The following EEF1G variants were observed in gnomAD, a reference collection of about 807,000 sequenced individuals.
EEF1G encodes elongation factor 1-gamma.
A neutral mutation model predicts 58.3 loss-of-function variants in EEF1G; 14 were observed. The ratio of observed to expected loss-of-function variants is 0.24; its 90% confidence interval spans 0.16 to 0.38. The LOEUF (loss-of-function observed/expected upper bound fraction) is 0.38, where lower values mean the gene tolerates loss of function less well. Among genes scored for constraint, EEF1G ranks in the 10% least tolerant of loss-of-function variants. The probability of loss-of-function intolerance (pLI) is 1.00; values close to 1 mark genes in which losing one functional copy is unlikely to be tolerated. For synonymous variants in EEF1G, 180 were observed against 206.8 expected, an observed-to-expected ratio of 0.87 and a Z score of 1.11; for missense variants, 322 against 550.1, an observed-to-expected ratio of 0.59 and a Z score of 4.15.
intron 5 of EEF1G, among the ~76,000 whole-genome samples, 156 bp downstream of exon 5, chr11:62,570,809 G>GC (rs1299078434): frequency 1.3e-5 from 2 of 152,172 alleles, no homozygotes; most frequent in Admixed American, 6.5e-5. Context: ...GCCTACCTCG[G>GC]CCCCCCAGTG....
At position 62,570,899 on chromosome 11, in the gene EEF1G, A is replaced by G. The variant is rs989046879; in HGVS notation, c.522+66T>C. On this transcript the variant is annotated intron_variant, in intron 5 of 9. Coordinates refer to ENST00000329251, the MANE Select transcript of EEF1G (RefSeq NM_001404.5). ...CTCAGCAGAATACAGGGTAACCTAG[A>G]TACCTCGTCACTTTGTTTCTAATCC... The G allele has an allele frequency of 3.1e-6, 5 of 1,605,120 alleles. No homozygotes were observed. In the African/African-American group the frequency reaches 4.0e-5, roughly 13 times the overall value.
chr11:62,572,969 C>T, intron 1 of EEF1G: 2 of 402,426 alleles, frequency 5.0e-6, no homozygotes, highest in East Asian at 7.9e-5. Context: ...ACAGATTTGA[C>T]CTTCCCTAAG....
chr11:62,570,063 CTTTT>C (rs1174196694), intron 5 of EEF1G, among the ~76,000 whole-genome samples: 2 of 141,960 alleles, frequency 1.4e-5, no homozygotes, highest in South Asian at 2.3e-4. Flanking sequence ...GCTTAAAGAG[CTTTT>C]TTTTTTTTTT....
chr11:62,561,954 A>G (rs1480444979), intron 7 of EEF1G, among the ~76,000 whole-genome samples: 1 of 152,306 alleles, frequency 6.6e-6, no homozygotes, highest in East Asian at 1.9e-4. Context: ...GATCCTCAGC[A>G]TTTCAAAGGA....
intron 7 of EEF1G, among the ~76,000 whole-genome samples, chr11:62,562,481 T>C (rs1217996874): frequency 6.6e-6 from 1 of 152,142 alleles, no homozygotes; most frequent in Non-Finnish European, 1.5e-5. Context: ...GGATAATCTT[T>C]TTTTTGTTTT....
chr11:62,570,003 A>G (rs1012185183), intron 5 of EEF1G, among the ~76,000 whole-genome samples: 19 of 152,026 alleles, frequency 1.2e-4, no homozygotes. Flanking sequence ...CCTTACCTAC[A>G]TTGGTAAACA....
rs769166593 is a variant in EEF1G, at chr11:62,560,405, G to C, written c.907C>G (p.Leu303Val). The C allele has an allele frequency of 1.9e-6, 3 of 1,610,056 alleles. No homozygotes were observed. The South Asian group carries it at 3.3e-5, about 18-fold the overall frequency. ...FKRKYSNEDT[L>V]SVALPYFWEH... ...CAGAAATATGGCAGTGCCACAGAGA[G>C]TGTGTCCTCATTGGAGTACTTGCGC... Residue 303 changes from leucine to valine, a missense_variant, in exon 8 of 10, where the codon CTC becomes GTC. By Grantham distance (32) the Leu-to-Val change is conservative. Coordinates refer to ENST00000329251, the MANE Select transcript of EEF1G (RefSeq NM_001404.5).
intron 7 of EEF1G, among the ~76,000 whole-genome samples, chr11:62,564,390 G>A (rs1941531391): frequency 6.7e-6 from 1 of 148,616 alleles, no homozygotes; most frequent in Non-Finnish European, 1.5e-5. Flanking sequence ...CTTCAACCCA[G>A]GAGGCGGAGA....
intron 7 of EEF1G, among the ~76,000 whole-genome samples, chr11:62,562,062 C>T (rs566953719): frequency 3.5e-4 from 53 of 152,348 alleles, no homozygotes; most frequent in Admixed American, 6.5e-4. Flanking sequence ...TTGTGTCCCG[C>T]ATAGCCCCAT....
intron 7 of EEF1G, among the ~76,000 whole-genome samples, chr11:62,562,707 T>C (rs1188840871): frequency 2.6e-5 from 4 of 152,106 alleles, no homozygotes; most frequent in African/African-American, 4.8e-5. Context: ...TCTTGAACTC[T>C]TGACCTCGTG....
chr11:62,572,828 T>A, intron 1 of EEF1G, 86 bp from the exon 2 acceptor site: 1 of 1,297,954 alleles, frequency 7.7e-7, no homozygotes, highest in South Asian at 1.4e-5. Flanking sequence ...TCCTGAATAA[T>A]CCCAATGTAT....
chr11:62,566,709 C>T (rs1941559299), intron 7 of EEF1G, 97 bp downstream of exon 7: 5 of 1,138,464 alleles, frequency 4.4e-6, no homozygotes, highest in Non-Finnish European at 6.3e-6. Context: ...ATATGGACAA[C>T]CTAAAATTCT....
intron 7 of EEF1G, among the ~76,000 whole-genome samples, chr11:62,560,712 G>A (rs1941484045): frequency 6.6e-6 from 1 of 152,146 alleles, no homozygotes; most frequent in Non-Finnish European, 1.5e-5. Context: ...GAAGGGCATG[G>A]CTAACTGCTG....
At chr11:62,571,790 C>T (rs1941635016) in intron 3 of EEF1G, 48 bp downstream of exon 3, 3 of 1,568,504 alleles carry the variant, frequency 1.9e-6, no homozygotes, top group Non-Finnish European at 2.6e-6. Flanking sequence ...TCCTCTCCTA[C>T]ACCCTCACCT....
At position 62,567,250 on chromosome 11, in the gene EEF1G, G is replaced by A. The variant is rs531656031; in HGVS notation, c.652+149C>T. On this transcript the variant is annotated intron_variant, in intron 6 of 9. Transcript: ENST00000329251. ...AATTAGTCAGGGTATGAGTGTACAC[G>A]AAACTGCACATAATATTAGCTACCA... 9.7e-6 allele frequency: 11 copies of A among 1,136,298 alleles called. No individual in the cohort carries two copies. The East Asian group carries it at 1.0e-4, about 11-fold the overall frequency. The allele number at this position is 1,136,298 out of a possible 1,614,324, so 70.4% of individuals were successfully genotyped here. A position where few individuals can be genotyped will look rare whatever the true frequency, so the allele number is the denominator to read the frequency against.
Position 62,571,123 on chromosome 11 carries a change from T to C in EEF1G, c.379-15A>G, listed in dbSNP as rs754813313. 5 of 1,613,764 alleles carry C rather than the reference T, an allele frequency of 3.1e-6. No homozygotes were observed. Among genetic ancestry groups the C allele is most frequent in the South Asian group, 1.1e-5 (1 of 91,074 alleles). ...TTCTCAGTGGCCTAGTGATTCAACATGATAAAACTCATCAGTGGGTACCAA... is the reference window on the plus strand; with the variant it reads ...TTCTCAGTGGCCTAGTGATTCAACACGATAAAACTCATCAGTGGGTACCAA... On this transcript the variant is annotated splice_polypyrimidine_tract_variant and intron_variant, in intron 4 of 9. Coordinates refer to ENST00000329251, the MANE Select transcript of EEF1G (RefSeq NM_001404.5).
intron 5 of EEF1G, 151 bp downstream of exon 5, chr11:62,570,814 C>T (rs1941618382): frequency 2.8e-6 from 3 of 1,066,990 alleles, no homozygotes; most frequent in Non-Finnish European, 2.8e-6. Flanking sequence ...CCTCGGCCCC[C>T]CAGTGTGCTC....
intron 7 of EEF1G, among the ~76,000 whole-genome samples, chr11:62,563,026 C>T (rs970301436): frequency 4.6e-5 from 7 of 151,868 alleles, no homozygotes; most frequent in African/African-American, 7.2e-5. Context: ...AAGAGAATTG[C>T]TTGAGTCCGG....
At chr11:62,570,847 C>T (rs1369360996) in intron 5 of EEF1G, 118 bp downstream of exon 5, 3 of 1,404,006 alleles carry the variant, frequency 2.1e-6, no homozygotes, top group Non-Finnish European at 3.0e-6. Flanking sequence ...TGAGCCACTG[C>T]ACCCACCTCT....
Sources: gnomAD v4.1 joint callset for allele counts (sites outside exome capture counted in the v4.1 genomes callset) on GRCh38, gnomAD v4.1.1 for gene constraint, MANE v1.5 for transcripts, NCBI Gene and HGNC (gene_info 2026-07-23, HGNC 2026-07-21) for gene names.